SEMA3C: variants seen among roughly 807,000 people sequenced by gnomAD.
SEMA3C encodes semaphorin-3C.
A neutral mutation model predicts 89.4 loss-of-function variants in SEMA3C; 47 were observed. The ratio of observed to expected loss-of-function variants is 0.53; its 90% CI spans 0.42 to 0.67. The LOEUF (loss-of-function observed/expected upper bound fraction) is 0.67, where lower values mean the gene tolerates loss of function less well. Ranked by LOEUF, SEMA3C falls within the 30% of genes least tolerant of loss-of-function variation. The pLI is 0.00. For synonymous variants in SEMA3C, 310 were observed against 320.2 expected, an observed-to-expected ratio of 0.97 and a Z score of 0.34; for missense variants, 839 against 929.1, an observed-to-expected ratio of 0.90 and a Z score of 1.26.
chr7:80,833,766 C>A (rs865907610), intron 2 of SEMA3C, among the ~76,000 whole-genome samples: 1 of 151,284 alleles, frequency 6.6e-6, no homozygotes, highest in African/African-American at 2.4e-5. Context: ...GGGAGAGAAA[C>A]GACCATTTTT....
chr7:80,890,876 T>A (rs1051590497), intron 2 of SEMA3C, among the ~76,000 whole-genome samples: 2 of 152,224 alleles, frequency 1.3e-5, no homozygotes, highest in Non-Finnish European at 2.9e-5. Flanking sequence ...ATCTTTGTAG[T>A]GCTGTATTTT....
chr7:80,775,679 G>C (rs1297972287), intron 12 of SEMA3C, among the ~76,000 whole-genome samples: 1 of 151,928 alleles, frequency 6.6e-6, no homozygotes, highest in Non-Finnish European at 1.5e-5. Context: ...TATTTATGGT[G>C]GTGCTTTTTT....
chr7:80,863,838 TATATCACATATCACATAC>T (rs1387007769), intron 2 of SEMA3C, among the ~76,000 whole-genome samples: 2 of 114,088 alleles, frequency 1.8e-5, no homozygotes, highest in Non-Finnish European at 1.7e-5. Flanking sequence ...ATGTGATATA[TATATCACATATCACATAC>T]ATATGTATCA....
intron 6 of SEMA3C, among the ~76,000 whole-genome samples, chr7:80,806,586 T>C (rs1350753502): frequency 1.3e-5 from 2 of 152,194 alleles, no homozygotes; most frequent in Non-Finnish European, 2.9e-5. Flanking sequence ...TATTAATCTA[T>C]ATATACATAA....
intron 12 of SEMA3C, among the ~76,000 whole-genome samples, chr7:80,775,913 A>T (rs1330601365): frequency 1.3e-5 from 2 of 152,150 alleles, no homozygotes; most frequent in African/African-American, 4.8e-5. Context: ...GATTATTTTT[A>T]CAATGAGCAT....
chr7:80,778,090 T>G (rs1236904888), intron 12 of SEMA3C, among the ~76,000 whole-genome samples: 1 of 152,186 alleles, frequency 6.6e-6, no homozygotes, highest in East Asian at 1.9e-4. Flanking sequence ...TAATATGGTA[T>G]TGGCTCAAGT....
chr7:80,761,278 A>G (rs1487190750), intron 14 of SEMA3C, among the ~76,000 whole-genome samples: 4 of 152,170 alleles, frequency 2.6e-5, no homozygotes, highest in African/African-American at 9.7e-5. Context: ...AGAGTAGCCC[A>G]AACTTTATGC....
Position 80,818,429 on chromosome 7 carries a change from C to T in SEMA3C, c.328-11G>A, listed in dbSNP as rs771679186. On this transcript the variant is annotated splice_polypyrimidine_tract_variant and intron_variant, in intron 4 of 17. Coordinates refer to ENST00000265361, the MANE Select transcript of SEMA3C (RefSeq NM_006379.5). ...GTTCCCACAGCCGTGCTAAAAGAAT[C>T]AGTAAATAAGCAGTTAGTAACTCAA... 1 of 1,610,434 alleles carries T rather than the reference C, an allele frequency of 6.2e-7. No individual in the cohort carries two copies. The highest frequency in any genetic ancestry group is 8.5e-7 in the Non-Finnish European group (1 of 1,177,182).
rs541613115 is a variant in SEMA3C at position 80,745,442 on chromosome 7, G to A, written c.1843-135C>T. 58 of 830,848 alleles carry A rather than the reference G, an allele frequency of 7.0e-5. No individual in the cohort carries two copies. The South Asian group carries it at 1.0e-3, about 15-fold the overall frequency. The allele number at this position is 830,848 out of a possible 1,614,324, so 51.5% of individuals were successfully genotyped here. A position where few individuals can be genotyped will look rare whatever the true frequency, so the allele number is the denominator to read the frequency against. ...TGAGCACTACTTAGCATCCTTCTCA[G>A]TGGACATGAAATTTTGGTCAGTTCC... On this transcript the variant is annotated intron_variant, in intron 17 of 17. Transcript: ENST00000265361.
intron 15 of SEMA3C, 115 bp from the exon 16 acceptor site, chr7:80,751,451 A>G: frequency 5.6e-6 from 5 of 887,250 alleles, no homozygotes; most frequent in Non-Finnish European, 8.9e-6. Context: ...CTTTCATAAA[A>G]TTTTTTAAAA....
intron 5 of SEMA3C, among the ~76,000 whole-genome samples, chr7:80,815,326 G>A (rs1453555687): frequency 6.6e-6 from 1 of 152,018 alleles, no homozygotes; most frequent in African/African-American, 2.4e-5. Flanking sequence ...TTTGGTCACT[G>A]AGGAATCTGC....
chr7:80,909,559 A>G (rs1460031559), intron 2 of SEMA3C, among the ~76,000 whole-genome samples: 1 of 152,180 alleles, frequency 6.6e-6, no homozygotes, highest in African/African-American at 2.4e-5. Context: ...AAAGTTGAGT[A>G]AGGCAAGAAT....
rs1226678360 is a variant in SEMA3C at position 80,789,494 on chromosome 7, G to T, written c.1166C>A (p.Thr389Asn). The T allele has an allele frequency of 1.2e-6, 2 of 1,613,552 alleles. No individual in the cohort carries two copies. The highest frequency in any genetic ancestry group is 2.7e-5 in the African/African-American group (2 of 74,994). The change falls in exon 12 of 18, where the codon ACC becomes AAC. Residue 389 changes from threonine to asparagine, a missense_variant. By Grantham distance (65) the Thr-to-Asn change is moderately conservative. Coordinates refer to ENST00000265361, the MANE Select transcript of SEMA3C (RefSeq NM_006379.5). ...PGGAFTPNMRTTKEFPDDVVT... is the reference protein window; with the variant it reads ...PGGAFTPNMRNTKEFPDDVVT... ...AACATCATCTGGGAACTCCTTGGTGGTTCGCATATTGGGTGTAAATGCTCC... is the reference window on the plus strand; with the variant it reads ...AACATCATCTGGGAACTCCTTGGTGTTTCGCATATTGGGTGTAAATGCTCC...
intron 14 of SEMA3C, among the ~76,000 whole-genome samples, chr7:80,759,974 T>G (rs911764354): frequency 6.6e-6 from 1 of 152,216 alleles, no homozygotes; most frequent in East Asian, 1.9e-4. Context: ...TTCTAGATAG[T>G]ATACTTTTTA....
intron 2 of SEMA3C, among the ~76,000 whole-genome samples, chr7:80,876,671 TTAAAA>T (rs1265206413): frequency 6.6e-6 from 1 of 152,250 alleles, no homozygotes; most frequent in Non-Finnish European, 1.5e-5. Context: ...TTTCTCATCA[TTAAAA>T]TATTTTTCAA....
chr7:80,813,784 A>T (rs1562887234), intron 5 of SEMA3C, among the ~76,000 whole-genome samples: 1 of 152,032 alleles, frequency 6.6e-6, no homozygotes, highest in Non-Finnish European at 1.5e-5. Flanking sequence ...TATAAACCAC[A>T]CTTCTCAGGG....
chr7:80,894,840 G>C (rs1194818548), intron 2 of SEMA3C, among the ~76,000 whole-genome samples: 2 of 152,042 alleles, frequency 1.3e-5, no homozygotes, highest in Non-Finnish European at 2.9e-5. Flanking sequence ...GTAGAGAAGA[G>C]AGTGATGATG....
At chr7:80,876,217 T>A (rs1469015587) in intron 2 of SEMA3C, among the ~76,000 whole-genome samples, 2 of 152,210 alleles carry the variant, frequency 1.3e-5, no homozygotes, top group Non-Finnish European at 2.9e-5. Context: ...GAATTTTAGA[T>A]ATTCTTATAT....
intron 2 of SEMA3C, among the ~76,000 whole-genome samples, chr7:80,843,955 A>AGTTT (rs1183559197): frequency 6.6e-6 from 1 of 152,164 alleles, no homozygotes; most frequent in African/African-American, 2.4e-5. Context: ...GTCTAAGAAG[A>AGTTT]GTTTACAAGC....
Sources: allele counts gnomAD v4.1 joint callset (sites outside exome capture counted in the v4.1 genomes callset), GRCh38; gene constraint gnomAD v4.1.1; transcripts MANE v1.5; gene names NCBI Gene and HGNC (gene_info 2026-07-23, HGNC 2026-07-21).